ANTXR2: variants seen among roughly 807,000 people sequenced by gnomAD.
ANTXR2 encodes the protein ANTXR cell adhesion molecule 2, also known as anthrax toxin receptor 2.
In ANTXR2, 44 loss-of-function variants were observed where a neutral mutation model predicts 73.7. The ratio of observed to expected loss-of-function variants is 0.60; its 90% CI spans 0.47 to 0.77. ANTXR2 has a LOEUF of 0.77. ANTXR2 is among the 30% of genes least tolerant of loss of function. The pLI is 0.00. For synonymous variants in ANTXR2, 217 were observed against 205.9 expected (o/e 1.05, Z -0.46); for missense variants, 604 against 592.5 (o/e 1.02, Z -0.20).
chr4:79,974,933 C>G (rs185916122), intron 16 of ANTXR2, among the ~76,000 whole-genome samples: 237 of 152,294 alleles, frequency 1.6e-3, no homozygotes, highest in Non-Finnish European at 3.1e-3. Flanking sequence ...TATTTGATAT[C>G]TAACAGATTA....
At chr4:80,047,038 T>C (rs1454529126) in intron 7 of ANTXR2, among the ~76,000 whole-genome samples, 1 of 151,780 alleles carries the variant, frequency 6.6e-6, no homozygotes, top group Non-Finnish European at 1.5e-5. Context: ...ACACCTTTTA[T>C]AGTCCAACAG....
intron 7 of ANTXR2, among the ~76,000 whole-genome samples, chr4:80,044,184 A>T (rs1412900471): frequency 6.6e-6 from 1 of 152,024 alleles, no homozygotes; most frequent in Non-Finnish European, 1.5e-5. Flanking sequence ...TGTCAAGGAA[A>T]CATCCATAGC....
chr4:80,048,330 T>C (rs868444652), intron 7 of ANTXR2, among the ~76,000 whole-genome samples: 2 of 149,594 alleles, frequency 1.3e-5, no homozygotes, highest in Non-Finnish European at 3.0e-5. Context: ...ATACCATTAA[T>C]GTGAAAGTTA....
At chr4:79,925,254 C>T (rs974741308) in intron 16 of ANTXR2, among the ~76,000 whole-genome samples, 8 of 146,450 alleles carry the variant, frequency 5.5e-5, no homozygotes, top group Admixed American at 2.8e-4. Context: ...TATTAAAAGT[C>T]GTTTTACAGA....
intron 12 of ANTXR2, among the ~76,000 whole-genome samples, chr4:79,993,533 A>T (rs1459674705): frequency 6.6e-6 from 1 of 151,978 alleles, no homozygotes. Flanking sequence ...TACACAATCA[A>T]AACTTCAATA....
intron 12 of ANTXR2, among the ~76,000 whole-genome samples, chr4:79,988,229 TTATATATA>T (rs70944756): frequency 0.036 from 2,472 of 67,768 alleles, 35 homozygotes; most frequent in African/African-American, 0.059. Context: ...CACATAAATT[TTATATATA>T]TATATATATA....
At chr4:80,054,170 C>T (rs920793109) in intron 7 of ANTXR2, 102 bp downstream of exon 7, 9 of 856,318 alleles carry the variant, frequency 1.1e-5, no homozygotes, top group Admixed American at 9.3e-5. Context: ...AATCTCTTTC[C>T]TCTAGATAAT....
At position 80,072,228 on chromosome 4, in the gene ANTXR2, G is replaced by C. The variant is rs6818557; in HGVS notation, c.152+181C>G. ...GGGCTCCAATCACTACCCCCGACCC[G>C]GCTGATCTCCGCCCACACAGATCCG... On this transcript the variant is annotated intron_variant, in intron 1 of 16. Coordinates refer to ENST00000403729, the MANE Select transcript of ANTXR2 (RefSeq NM_058172.6). 0.76 allele frequency among the ~76,000 whole-genome samples: 115,244 copies of C among 152,048 alleles called. 44,609 individuals are homozygous for C. The highest frequency in any genetic ancestry group is 0.89 in the Middle Eastern group (260 of 292).
chr4:80,060,966 G>A (rs1025127148), intron 3 of ANTXR2, among the ~76,000 whole-genome samples: 1 of 152,262 alleles, frequency 6.6e-6, no homozygotes, highest in African/African-American at 2.4e-5. Flanking sequence ...GCCTTCACAT[G>A]GTTAGCAAGT....
At chr4:80,060,711 A>G (rs367804221) in intron 3 of ANTXR2, among the ~76,000 whole-genome samples, 2 of 152,180 alleles carry the variant, frequency 1.3e-5, no homozygotes, top group East Asian at 1.9e-4. Flanking sequence ...TTATAAATTA[A>G]GTTTTATCAT....
intron 11 of ANTXR2, among the ~76,000 whole-genome samples, chr4:80,018,056 A>T (rs1301816203): frequency 2.6e-5 from 4 of 152,182 alleles, no homozygotes; most frequent in Non-Finnish European, 4.4e-5. Flanking sequence ...TTCTGTTGGA[A>T]GGGTATCTCT....
At chr4:79,961,523 A>C (rs1240435651) in intron 16 of ANTXR2, among the ~76,000 whole-genome samples, 1 of 151,982 alleles carries the variant, frequency 6.6e-6, no homozygotes, top group African/African-American at 2.4e-5. Context: ...CAGCCTTGAC[A>C]TCCCTGGCTC....
intron 12 of ANTXR2, among the ~76,000 whole-genome samples, chr4:80,000,532 C>A (rs1309755964): frequency 1.3e-5 from 2 of 151,984 alleles, no homozygotes; most frequent in Non-Finnish European, 2.9e-5. Flanking sequence ...CACACAGTAC[C>A]TGCCTTCATG....
At position 79,907,427 on chromosome 4, in the gene ANTXR2, T is replaced by A; in HGVS notation, c.*2A>T. On this transcript the variant is annotated 3_prime_UTR_variant, in exon 17 of 17. Transcript: ENST00000403729. ...TACCTTCTTGGTCTTCCTGCTTCCCTTTTACTGAGATGGAACTCGGGAGAA... is the reference window on the plus strand; with the variant it reads ...TACCTTCTTGGTCTTCCTGCTTCCCATTTACTGAGATGGAACTCGGGAGAA... 6.2e-7 allele frequency: 1 copy of A among 1,612,128 alleles called. No homozygotes were observed. The highest frequency in any genetic ancestry group is 8.5e-7 in the Non-Finnish European group (1 of 1,178,788).
At chr4:79,980,729 C>T (rs1384089479) in intron 14 of ANTXR2, among the ~76,000 whole-genome samples, 2 of 151,942 alleles carry the variant, frequency 1.3e-5, no homozygotes, top group Non-Finnish European at 2.9e-5. Context: ...AACATCATCT[C>T]CGTTCCAGCT....
chr4:80,069,466 G>C lies in ANTXR2; in HGVS notation c.266C>G (p.Ala89Gly), dbSNP rs1734679778. 6.2e-7 allele frequency: 1 copy of C among 1,605,590 alleles called. No individual in the cohort carries two copies. Among genetic ancestry groups the C allele is most frequent in the African/African-American group, 1.3e-5 (1 of 74,734 alleles). ...RLSFIVFSSQ[A>G]TIILPLTGDR... The stretch of plus-strand genomic sequence containing the variant: ...TCCAGTTAATGGCAAAATAATAGTT[G>C]CTTGAGAAGAAAACACAATGAAAGA... Residue 89 changes from alanine to glycine, a missense_variant, in exon 3 of 17, where the codon GCA (alanine) becomes GGA (glycine). Coordinates refer to ENST00000403729, the MANE Select transcript of ANTXR2 (RefSeq NM_058172.6).
At chr4:80,069,574 T>TCGTATC in intron 2 of ANTXR2, 67 bp from the exon 3 acceptor site, 2 of 1,260,236 alleles carry the variant, frequency 1.6e-6, no homozygotes, top group Non-Finnish European at 1.1e-6. Flanking sequence ...TACAGATGTA[T>TCGTATC]AGTTAGGGAG....
intron 10 of ANTXR2, among the ~76,000 whole-genome samples, chr4:80,029,409 A>G (rs1732586244): frequency 6.6e-6 from 1 of 152,026 alleles, no homozygotes; most frequent in South Asian, 2.1e-4. Context: ...ATCCTGGTAC[A>G]AGTACCTGAT....
At chr4:79,962,421 A>C (rs1424952061) in intron 16 of ANTXR2, among the ~76,000 whole-genome samples, 1 of 152,184 alleles carries the variant, frequency 6.6e-6, no homozygotes, top group African/African-American at 2.4e-5. Context: ...TTTAAATGGA[A>C]TATGATGGTA....
Sources: allele counts gnomAD v4.1 joint callset (sites outside exome capture counted in the v4.1 genomes callset), GRCh38; gene constraint gnomAD v4.1.1; transcripts MANE v1.5; gene names NCBI Gene and HGNC (gene_info 2026-07-23, HGNC 2026-07-21).